The following ATP1B4 variants were observed in gnomAD, a reference collection of about 807,000 sequenced individuals.
ATP1B4 encodes ATPase Na+/K+ transporting family member beta 4.
ATP1B4 carries 32 observed loss-of-function variants against 29.6 expected under a neutral mutation model. The ratio of observed to expected loss-of-function variants is 1.08; its 90% CI spans 0.82 to 1.45. The LOEUF (loss-of-function observed/expected upper bound fraction) is 1.45. Ranked by LOEUF, ATP1B4 falls within the 40% of genes most tolerant of loss-of-function variation. The pLI is 0.00. For missense variants in ATP1B4, 323 were observed against 276.2 expected (o/e 1.17, Z -1.20); for synonymous variants, 127 against 102.1 (o/e 1.24, Z -1.47).
rs946487111 is a variant in ATP1B4, at chrX:120,382,879, T to C, written c.*3245T>C. 1.8e-5 allele frequency: 2 copies of C among 112,348 alleles called. No individual in the cohort carries two copies. The highest frequency in any genetic ancestry group is 9.4e-5 in the Admixed American group (1 of 10,599). The allele number at this position is 112,348 out of a possible 1,213,427, so 9.3% of individuals were successfully genotyped here. On this transcript the variant is annotated 3_prime_UTR_variant, in exon 8 of 8. Coordinates refer to ENST00000218008, the MANE Select transcript of ATP1B4 (RefSeq NM_001142447.3). Reference sequence around the variant, plus strand: ...GGACATGAAAAATGTAGGTTTACTATACAGAACTGGATATGATAATATATT... The same window carrying C: ...GGACATGAAAAATGTAGGTTTACTACACAGAACTGGATATGATAATATATT...
rs987992103 is a variant in ATP1B4, at chrX:120,380,890, G to A, written c.*1256G>A. 1.8e-5 allele frequency: 2 copies of A among 111,503 alleles called. No homozygotes were observed. The highest frequency in any genetic ancestry group is 6.5e-5 in the African/African-American group (2 of 30,556). The allele number at this position is 111,503 out of a possible 1,213,427, so 9.2% of individuals were successfully genotyped here. A position where few individuals can be genotyped will look rare whatever the true frequency, so the allele number is the denominator to read the frequency against. ...CACTTTGTCTTATCTTTGGTCACCT[G>A]ATCACTCAACTGCTTCTTAACACCT... On this transcript the variant is annotated 3_prime_UTR_variant, in exon 8 of 8. Coordinates refer to ENST00000218008, the MANE Select transcript of ATP1B4 (RefSeq NM_001142447.3).
At position 120,375,554 on chromosome X, in the gene ATP1B4, C is replaced by A; in HGVS notation, c.745C>A (p.Leu249Ile). The change falls in exon 5 of 8, where the codon CTA becomes ATA. Residue 249 changes from leucine (L) to isoleucine (I), a missense_variant. Leu to Ile is a conservative substitution (Grantham distance 5, BLOSUM62 2). Transcript: ENST00000218008. ...GYSTGQPCILLKMNRIVGFRP... is the reference protein window; with the variant it reads ...GYSTGQPCILIKMNRIVGFRP... Reference sequence around the variant, plus strand: ...CTCTACTGGACAGCCCTGCATCCTTCTAAAGATGAACCGGGTATATTGGCT... The same window carrying A: ...CTCTACTGGACAGCCCTGCATCCTTATAAAGATGAACCGGGTATATTGGCT... 8.3e-7 allele frequency: 1 copy of A among 1,205,919 alleles called. No homozygotes were observed. The highest frequency in any genetic ancestry group is 1.1e-6 in the Non-Finnish European group (1 of 893,022).
At chrX:120,374,011 A>G (rs1429856257) in intron 4 of ATP1B4, among the ~76,000 whole-genome samples, 2 of 110,658 alleles carry the variant, frequency 1.8e-5, no homozygotes, top group Non-Finnish European at 3.8e-5. Flanking sequence ...ACTGACTTCA[A>G]AGGGAGACAT....
chrX:120,377,206 C>A (rs2058360587), intron 6 of ATP1B4, among the ~76,000 whole-genome samples: 1 of 112,122 alleles, frequency 8.9e-6, no homozygotes, highest in Non-Finnish European at 1.9e-5. Context: ...CAAAAGGCAG[C>A]AGTTATTCAG....
intron 2 of ATP1B4, among the ~76,000 whole-genome samples, chrX:120,367,932 C>T (rs776952011): frequency 9.0e-5 from 10 of 111,613 alleles, no homozygotes; most frequent in Admixed American, 1.9e-4. Context: ...AGGAACATTC[C>T]GACATTCTGG....
chrX:120,370,650 G>A, intron 2 of ATP1B4, 65 bp from the exon 3 acceptor site: 6 of 1,184,000 alleles, frequency 5.1e-6, no homozygotes, highest in Non-Finnish European at 6.8e-6. Flanking sequence ...TGGTTCATGA[G>A]TCCAAGCAGG....
In ATP1B4 at chrX:120,372,519, C is replaced by T. The variant is rs181175443; in HGVS notation, c.562+1309C>T. Among the ~76,000 whole-genome samples, 24 of 111,905 alleles carry T rather than the reference C, an allele frequency of 2.1e-4. No homozygotes were observed. The East Asian group carries it at 2.5e-3, about 12-fold the overall frequency. ...TGATCAAAGACTCTGGCAGCAGAAC[C>T]AGTGTTTGAATCCACATTTCTTGTT... On this transcript the variant is annotated intron_variant, in intron 4 of 7. Transcript: ENST00000218008.
At chrX:120,371,815 C>T (rs187923263) in intron 4 of ATP1B4, among the ~76,000 whole-genome samples, 4,342 of 111,735 alleles carry the variant, frequency 0.039, 200 homozygotes, top group African/African-American at 0.13. Flanking sequence ...ACTACATGTG[C>T]GTGCCACCAC....
rs2058363994 is a variant in ATP1B4, at chrX:120,377,889, A to C, written c.817-789A>C. Among the ~76,000 whole-genome samples the C allele has an allele frequency of 3.6e-5, 4 of 111,956 alleles. No individual in the cohort carries two copies. In the Admixed American group the frequency reaches 3.8e-4, roughly 11 times the overall value. ...TTATAGTATATTGACAGAAGTAATC[A>C]CATGACCTTAGTGAGTAATTTGCTA... On this transcript the variant is annotated intron_variant, in intron 6 of 7. Coordinates refer to ENST00000218008, the MANE Select transcript of ATP1B4 (RefSeq NM_001142447.3).
Position 120,378,725 on chromosome X carries a change from G to T in ATP1B4, c.864G>T (p.Ser288=). 8.3e-7 allele frequency: 1 copy of T among 1,210,916 alleles called. No homozygotes were observed. The highest frequency in any genetic ancestry group is 1.1e-6 in the Non-Finnish European group (1 of 895,132). The change falls in exon 7 of 8, where the codon TCG becomes TCT. Residue 288 remains serine, a synonymous_variant. Transcript: ENST00000218008. ...GATCCATCAGTTACTACCCAGAGTC[G>T]GCTTCTTTTGACCTCCGCTACTACC... The part of the protein sequence containing the change: ...DIRSISYYPE[S]ASFDLRYYPY...
At chrX:120,369,416 C>G (rs979927264) in intron 2 of ATP1B4, among the ~76,000 whole-genome samples, 3 of 112,192 alleles carry the variant, frequency 2.7e-5, no homozygotes, top group African/African-American at 9.7e-5. Flanking sequence ...TCCACAACAC[C>G]TTTTTTGGTT....
intron 6 of ATP1B4, among the ~76,000 whole-genome samples, chrX:120,376,985 T>A (rs73219129): frequency 1.1e-3 from 127 of 112,173 alleles, no homozygotes; most frequent in Non-Finnish European, 1.9e-3. Context: ...TTCTATCTCA[T>A]CTGCACCAAT....
intron 4 of ATP1B4, among the ~76,000 whole-genome samples, chrX:120,371,959 C>T (rs1371127068): frequency 1.8e-5 from 2 of 112,569 alleles, no homozygotes; most frequent in African/African-American, 3.2e-5. Flanking sequence ...TGAGCCACCG[C>T]GCCCAGCCAA....
chrX:120,376,259 C>A, intron 5 of ATP1B4, 121 bp from the exon 6 acceptor site: 1 of 621,456 alleles, frequency 1.6e-6, no homozygotes, highest in South Asian at 2.9e-5. Context: ...TCTGAGAAGG[C>A]GAAATAGATG....
chrX:120,371,312 C>A (rs755021768), intron 4 of ATP1B4, 102 bp downstream of exon 4: 3 of 612,717 alleles, frequency 4.9e-6, no homozygotes, highest in African/African-American at 2.2e-5. Flanking sequence ...GTCTTACTAA[C>A]CCCAACTCAT....
At chrX:120,362,708 G>C (rs1027871417) in intron 1 of ATP1B4, among the ~76,000 whole-genome samples, 1 of 111,522 alleles carries the variant, frequency 9.0e-6, no homozygotes, top group Non-Finnish European at 1.9e-5. Flanking sequence ...TAAAATCATA[G>C]AATCCCCAAT....
At chrX:120,376,149 G>T (rs767103303) in intron 5 of ATP1B4, among the ~76,000 whole-genome samples, 1 of 111,029 alleles carries the variant, frequency 9.0e-6, no homozygotes, top group African/African-American at 3.3e-5. Context: ...ACTTGCTGAC[G>T]TTTCCCCTTG....
chrX:120,376,677 A>G (rs2058358179), intron 6 of ATP1B4, among the ~76,000 whole-genome samples: 1 of 112,112 alleles, frequency 8.9e-6, no homozygotes, highest in South Asian at 3.8e-4. Flanking sequence ...GTCATGATTA[A>G]TACTTCTGAA....
chrX:120,362,285 G>C (rs1196778468), intron 1 of ATP1B4, 54 bp downstream of exon 1: 17 of 1,069,087 alleles, frequency 1.6e-5, no homozygotes, highest in Non-Finnish European at 2.1e-5. Flanking sequence ...TATTTTAATG[G>C]GGTGGGTTGG....
Sources: gnomAD v4.1 joint callset for allele counts (sites outside exome capture counted in the v4.1 genomes callset) on GRCh38, gnomAD v4.1.1 for gene constraint, MANE v1.5 for transcripts, NCBI Gene and HGNC (gene_info 2026-07-23, HGNC 2026-07-21) for gene names.